Variants in DSN1 observed in about 807,000 individuals in gnomAD.
DSN1 encodes kinetochore-associated protein DSN1 homolog.
A neutral mutation model predicts 45.7 loss-of-function variants in DSN1; 31 were observed. The ratio of observed to expected loss-of-function variants is 0.68; its 90% CI spans 0.51 to 0.92. The LOEUF (loss-of-function observed/expected upper bound fraction) is 0.92. Ranked by LOEUF, DSN1 falls within the 40% of genes least tolerant of loss-of-function variation. The pLI is 0.00. For missense variants in DSN1, 394 were observed against 414.2 expected (o/e 0.95, Z 0.42); for synonymous variants, 134 against 142.3 (o/e 0.94, Z 0.41).
At chr20:36,771,649 TAC>T (rs1240307646) in intron 1 of DSN1, among the ~76,000 whole-genome samples, 176 bp from the exon 2 acceptor site, 2 of 152,350 alleles carry the variant, frequency 1.3e-5, no homozygotes, top group Non-Finnish European at 2.9e-5. Flanking sequence ...TGAATTTCTA[TAC>T]ACTTTATTGC....
Position 36,758,627 on chromosome 20 carries a change from A to T in DSN1, c.591-10T>A, listed in dbSNP as rs1231158204. On this transcript the variant is annotated splice_polypyrimidine_tract_variant and intron_variant, in intron 6 of 10. Transcript: ENST00000373750. ...AAAATCTGATGCTTTTCTGGAAAAC[A>T]GATAGGATTATGACATAAATCTTTC... is the stretch of plus-strand genomic sequence containing the variant. 1.9e-6 allele frequency: 3 copies of T among 1,608,578 alleles called. No individual in the cohort carries two copies. Among genetic ancestry groups the T allele is most frequent in the African/African-American group, 1.3e-5 (1 of 74,780 alleles).
intron 6 of DSN1, among the ~76,000 whole-genome samples, chr20:36,759,172 G>A (rs371645303): frequency 6.6e-6 from 1 of 151,870 alleles, no homozygotes; most frequent in Non-Finnish European, 1.5e-5. Flanking sequence ...TAGTAGAGAC[G>A]GGGTTTCACT....
intron 5 of DSN1, among the ~76,000 whole-genome samples, chr20:36,765,229 G>A (rs958255755): frequency 2.3e-5 from 3 of 128,110 alleles, no homozygotes; most frequent in Non-Finnish European, 4.7e-5. Context: ...ACTTGCATAC[G>A]TGCCAAAAGG....
intron 5 of DSN1, among the ~76,000 whole-genome samples, chr20:36,763,410 G>GAA (rs71186016): frequency 0.64 from 53,555 of 84,170 alleles, 18,440 homozygotes; most frequent in Non-Finnish European, 0.71. Flanking sequence ...CTCAAAAAAA[G>GAA]AAAAAAAAAA....
At chr20:36,755,917 T>G in intron 8 of DSN1, 88 bp from the exon 9 acceptor site, 1 of 1,458,242 alleles carries the variant, frequency 6.9e-7, no homozygotes, top group South Asian at 1.3e-5. Context: ...GCTGAATCAG[T>G]ATTCCTCCAC....
At chr20:36,771,538 C>G (rs990976040) in intron 1 of DSN1, 65 bp from the exon 2 acceptor site, 1 of 1,465,192 alleles carries the variant, frequency 6.8e-7, no homozygotes, top group African/African-American at 1.4e-5. Flanking sequence ...TGGGGCTTTA[C>G]AGCCCCAGAA....
At chr20:36,768,910 A>G (rs1453535624) in intron 3 of DSN1, among the ~76,000 whole-genome samples, 1 of 152,156 alleles carries the variant, frequency 6.6e-6, no homozygotes, top group Non-Finnish European at 1.5e-5. Flanking sequence ...GCCTCTCTAT[A>G]ATGACCTCAT....
chr20:36,762,592 C>T (rs377748605), intron 5 of DSN1, 44 bp from the exon 6 acceptor site: 38 of 1,559,716 alleles, frequency 2.4e-5, no homozygotes, highest in Admixed American at 5.2e-5. Context: ...AGGAAATATA[C>T]GTTTTCATAG....
intron 3 of DSN1, among the ~76,000 whole-genome samples, chr20:36,770,426 C>G (rs1987583348): frequency 6.6e-6 from 1 of 152,162 alleles, no homozygotes; most frequent in Non-Finnish European, 1.5e-5. Flanking sequence ...AGGCTAAAAT[C>G]AGGTATCAAC....
chr20:36,773,732 C>G lies in DSN1; in HGVS notation c.-86G>C. The G allele has an allele frequency of 1.0e-6, 1 of 985,562 alleles. No individual in the cohort carries two copies. Among genetic ancestry groups the G allele is most frequent in the South Asian group, 4.7e-5 (1 of 21,298 alleles). The allele number at this position is 985,562 out of a possible 1,614,324, so 61.1% of individuals were successfully genotyped here. On this transcript the variant is annotated 5_prime_UTR_variant, in exon 1 of 11. Transcript: ENST00000373750. Reference sequence around the variant, plus strand: ...CCTGGACGCCTTGCGCACCCGCAGCCGATACTCCCTGATCAGGGTGAAGCG... The same window carrying G: ...CCTGGACGCCTTGCGCACCCGCAGCGGATACTCCCTGATCAGGGTGAAGCG...
In DSN1 at chr20:36,761,210, T is replaced by C. The variant is rs1419100690; in HGVS notation, c.590+1251A>G. ...TTTCATGGCTGGTTCCTTCTCACCA[T>C]TCATATCTTACAGGTTTCAAGCCCA... On this transcript the variant is annotated intron_variant, in intron 6 of 10. Coordinates refer to ENST00000373750, the MANE Select transcript of DSN1 (RefSeq NM_001145315.2). 3.9e-5 allele frequency among the ~76,000 whole-genome samples: 6 copies of C among 152,166 alleles called. No individual in the cohort carries two copies. The South Asian group carries it at 1.2e-3, about 32-fold the overall frequency.
chr20:36,753,114 C>T (rs536362608), intron 10 of DSN1, among the ~76,000 whole-genome samples: 236 of 149,228 alleles, frequency 1.6e-3, no homozygotes, highest in Non-Finnish European at 2.2e-3. Flanking sequence ...GAGACCAAGG[C>T]GGGACGATTC....
chr20:36,773,037 GA>G (rs1987733984), intron 1 of DSN1, among the ~76,000 whole-genome samples: 1 of 152,020 alleles, frequency 6.6e-6, no homozygotes, highest in African/African-American at 2.4e-5. Flanking sequence ...GGACAAAAAG[GA>G]AAAGATAACA....
At chr20:36,768,474 C>T (rs959009202) in intron 3 of DSN1, among the ~76,000 whole-genome samples, 3 of 152,162 alleles carry the variant, frequency 2.0e-5, no homozygotes, top group African/African-American at 7.2e-5. Context: ...GCTCAGGAGG[C>T]GGAGGCTGCA....
chr20:36,758,807 C>T (rs986183977), intron 6 of DSN1, among the ~76,000 whole-genome samples, 190 bp from the exon 7 acceptor site: 1 of 152,092 alleles, frequency 6.6e-6, no homozygotes, highest in Non-Finnish European at 1.5e-5. Flanking sequence ...CCTGCCTTAG[C>T]CTCCAGAGTA....
At chr20:36,772,557 T>C (rs1243015528) in intron 1 of DSN1, among the ~76,000 whole-genome samples, 2 of 152,234 alleles carry the variant, frequency 1.3e-5, no homozygotes, top group East Asian at 3.8e-4. Context: ...CCCAAAGTGC[T>C]GGGATTACAG....
In DSN1 at chr20:36,762,564, T is replaced by C; in HGVS notation, c.503-16A>G. On this transcript the variant is annotated splice_polypyrimidine_tract_variant and intron_variant, in intron 5 of 10. Coordinates refer to ENST00000373750, the MANE Select transcript of DSN1 (RefSeq NM_001145315.2). ...AGAGAAGATGCTAGACAGCACAAAT[T>C]TACGTGTCATAAAATAAAGGAAATA... 1 of 1,607,550 alleles carries C rather than the reference T, an allele frequency of 6.2e-7. No individual in the cohort carries two copies. The highest frequency in any genetic ancestry group is 8.5e-7 in the Non-Finnish European group (1 of 1,176,342).
intron 6 of DSN1, among the ~76,000 whole-genome samples, chr20:36,760,247 AAAAAACAAAAAC>A (rs1048060676): frequency 6.6e-6 from 1 of 152,012 alleles, no homozygotes; most frequent in African/African-American, 2.4e-5. Context: ...CTGCCTCAAA[AAAAAACAAAAAC>A]AAAAACAAAA....
intron 7 of DSN1, 128 bp downstream of exon 7, chr20:36,758,430 C>T: frequency 2.5e-6 from 2 of 802,224 alleles, no homozygotes; most frequent in Non-Finnish European, 3.9e-6. Flanking sequence ...ATGCAGCCTT[C>T]TAACTTCTAG....
Sources: allele counts gnomAD v4.1 joint callset (sites outside exome capture counted in the v4.1 genomes callset), GRCh38; gene constraint gnomAD v4.1.1; transcripts MANE v1.5; gene names NCBI Gene and HGNC (gene_info 2026-07-23, HGNC 2026-07-21).